The following IP6K2 variants were observed in gnomAD, a reference collection of about 807,000 sequenced individuals.
IP6K2 encodes the protein ATP:1D-myo-inositol-hexakisphosphate phosphotransferase.
A neutral mutation model predicts 43.3 loss-of-function variants in IP6K2; 9 were observed. That is an observed-to-expected ratio of 0.21 (90% confidence interval 0.13 to 0.36). The LOEUF (loss-of-function observed/expected upper bound fraction) is 0.36, where lower values mean the gene tolerates loss of function less well. Ranked by LOEUF, IP6K2 falls within the 10% of genes least tolerant of loss-of-function variation. The pLI is 1.00. For synonymous variants in IP6K2, 209 were observed against 202.4 expected, an observed-to-expected ratio of 1.03 and a Z score of -0.28; for missense variants, 332 against 538.4, an observed-to-expected ratio of 0.62 and a Z score of 3.79.
rs2106771380 is a variant in IP6K2 at position 48,688,724 on chromosome 3, C to A, written c.830G>T (p.Gly277Val). Residue 277 changes from glycine to valine, a missense_variant, in exon 6 of 6, where the codon GGA becomes GTA. Transcript: ENST00000328631. The surrounding 1 kb of genome is among the most constrained non-coding windows in gnomAD (Gnocchi z 5.1). ...GQLMFMNKYH[G>V]RKLSVQGFKE... ...GAAGCCCTGCACCGATAGCTTCCGT[C>A]CATGGTACTTGTTCATGAACATGAG... is the stretch of plus-strand genomic sequence containing the variant. 6.2e-7 allele frequency: 1 copy of A among 1,614,054 alleles called. No homozygotes were observed. Among genetic ancestry groups the A allele is most frequent in the Non-Finnish European group, 8.5e-7 (1 of 1,179,950 alleles).
rs533664278 is a variant in IP6K2, at chr3:48,694,895, A to C, written c.202+195T>G. ...TCCACACAACAAAACAGAATTGAGCAATCTTACCAGGGATTGAAAACTGAG... is the reference window on the plus strand; with the variant it reads ...TCCACACAACAAAACAGAATTGAGCCATCTTACCAGGGATTGAAAACTGAG... On this transcript the variant is annotated intron_variant, in intron 2 of 5. Coordinates refer to ENST00000328631, the MANE Select transcript of IP6K2 (RefSeq NM_016291.4). The C allele has an allele frequency of 3.9e-6, 6 of 1,540,914 alleles. No individual in the cohort carries two copies. In the East Asian group the frequency reaches 9.8e-5, roughly 25 times the overall value.
chr3:48,694,653 C>T, intron 2 of IP6K2: 1 of 1,508,146 alleles, frequency 6.6e-7, no homozygotes, highest in African/African-American at 1.4e-5. Flanking sequence ...AGGCCTCCCA[C>T]TCCTGCATTC....
At chr3:48,712,231 AC>A (rs2080617193) in intron 1 of IP6K2, among the ~76,000 whole-genome samples, 1 of 150,790 alleles carries the variant, frequency 6.6e-6, no homozygotes, top group Non-Finnish European at 1.5e-5. Flanking sequence ...CCCTGTCTCT[AC>A]AAAAAAAAAA....
chr3:48,696,797 G>A (rs542999320), intron 1 of IP6K2, among the ~76,000 whole-genome samples: 3 of 152,304 alleles, frequency 2.0e-5, no homozygotes, highest in East Asian at 1.9e-4. Context: ...TGTGGGGAAA[G>A]CACCTATTAT....
Position 48,695,114 on chromosome 3 carries a change from G to A in IP6K2, c.178C>T (p.Arg60Cys), listed in dbSNP as rs776740658. Reference protein sequence around the residue: ...QFYETLPAEMRKFTPQYKGVV... With the variant: ...QFYETLPAEMCKFTPQYKGVV... ...CCTTTGTACTGGGGAGTGAATTTGC[G>A]CATCTCAGCAGGGAGGGTCTCGTAG... Residue 60 changes from arginine (R) to cysteine (C), a missense_variant, in exon 2 of 6, where the codon CGC (arginine) becomes TGC (cysteine). Transcript: ENST00000328631. This position sits in a 1 kb window ranked among gnomAD's most constrained non-coding sequence, Gnocchi z 4.6. 15 of 1,612,808 alleles carry A rather than the reference G, an allele frequency of 9.3e-6. No homozygotes were observed. Among genetic ancestry groups the A allele is most frequent in the South Asian group, 1.1e-5 (1 of 91,062 alleles).
intron 3 of IP6K2, 82 bp downstream of exon 3, chr3:48,692,872 G>A: frequency 1.0e-6 from 1 of 974,386 alleles, no homozygotes; most frequent in Non-Finnish European, 1.6e-6. Context: ...TCAGTCCTTA[G>A]CTCCAGGGAA....
At chr3:48,706,381 C>A (rs1019780197) in intron 1 of IP6K2, among the ~76,000 whole-genome samples, 2 of 152,134 alleles carry the variant, frequency 1.3e-5, no homozygotes, top group African/African-American at 2.4e-5. Context: ...GCCCAGGAGT[C>A]TGAGGCTGCA....
At chr3:48,709,910 C>G (rs2080287780) in intron 1 of IP6K2, among the ~76,000 whole-genome samples, 1 of 151,928 alleles carries the variant, frequency 6.6e-6, no homozygotes, top group Non-Finnish European at 1.5e-5. Flanking sequence ...AAAGAGACAC[C>G]TGCCAATTAT....
chr3:48,695,319 G>T lies in IP6K2; in HGVS notation c.-28C>A. On this transcript the variant is annotated 5_prime_UTR_variant, in exon 2 of 6. Coordinates refer to ENST00000328631, the MANE Select transcript of IP6K2 (RefSeq NM_016291.4). This position sits in a 1 kb window ranked among gnomAD's most constrained non-coding sequence, Gnocchi z 4.6. ...TCCGGGCGCAGATGGCGGGGAGATG[G>T]GGGAGGCAGCGGAGTCCAGCGGCCA... 1 of 1,596,500 alleles carries T rather than the reference G, an allele frequency of 6.3e-7. No homozygotes were observed. The highest frequency in any genetic ancestry group is 1.1e-5 in the South Asian group (1 of 89,944).
chr3:48,705,963 T>TG (rs1486614185), intron 1 of IP6K2, among the ~76,000 whole-genome samples: 2 of 151,186 alleles, frequency 1.3e-5, no homozygotes, highest in Non-Finnish European at 2.9e-5. Flanking sequence ...CCCAGCACTT[T>TG]GGGAGGCCAA....
Position 48,709,694 on chromosome 3 carries a change from G to A in IP6K2, c.-131+7463C>T, listed in dbSNP as rs149982973. ...TCTACTAAAAATAAAAAAATTAGCC[G>A]GGCGTGGTGGCAGGTGCCTGTAGTC... On this transcript the variant is annotated intron_variant, in intron 1 of 5. Coordinates refer to ENST00000328631, the MANE Select transcript of IP6K2 (RefSeq NM_016291.4). Among the ~76,000 whole-genome samples, 526 of 152,124 alleles carry A rather than the reference G, an allele frequency of 3.5e-3. 4 individuals carry two copies. The highest frequency in any genetic ancestry group is 0.012 in the African/African-American group (497 of 41,526).
At chr3:48,706,305 C>G in intron 1 of IP6K2, among the ~76,000 whole-genome samples, 1 of 151,840 alleles carries the variant, frequency 6.6e-6, no homozygotes, top group Non-Finnish European at 1.5e-5. Flanking sequence ...AAAAAATTAG[C>G]AAGTTGTGGT....
chr3:48,688,658 A>G lies in IP6K2; in HGVS notation c.896T>C (p.Leu299Pro), dbSNP rs1463629663. 6.2e-7 allele frequency: 1 copy of G among 1,614,232 alleles called. No individual in the cohort carries two copies. The highest frequency in any genetic ancestry group is 8.5e-7 in the Non-Finnish European group (1 of 1,180,030). The change falls in exon 6 of 6, where the codon CTG becomes CCG. Residue 299 changes from leucine (L) to proline (P), a missense_variant. Transcript: ENST00000328631. The surrounding 1 kb of genome is among the most constrained non-coding windows in gnomAD (Gnocchi z 5.1). ...LFQFFHNGRYLRRELLGPVLK... is the reference protein window; with the variant it reads ...LFQFFHNGRYPRRELLGPVLK... ...CACAGGGCCCAGGAGTTCACGGCGC[A>G]GGTACCGCCCATTGTGGAAGAACTG...
intron 1 of IP6K2, chr3:48,715,270 C>T: frequency 6.5e-7 from 1 of 1,535,304 alleles, no homozygotes; most frequent in Non-Finnish European, 8.7e-7. Context: ...GAAAATTCTT[C>T]CCCAGTGCAT....
At chr3:48,693,898 A>G (rs1470973878) in intron 2 of IP6K2, 2 of 1,246,492 alleles carry the variant, frequency 1.6e-6, no homozygotes, top group Non-Finnish European at 2.0e-6. Context: ...TTTCCCCTTA[A>G]GTCTCTAGAA....
intron 1 of IP6K2, among the ~76,000 whole-genome samples, chr3:48,711,214 C>T (rs1239267956): frequency 1.3e-5 from 2 of 152,144 alleles, no homozygotes; most frequent in Non-Finnish European, 2.9e-5. Flanking sequence ...CCAGGCCACA[C>T]ATCTATTAGT....
intron 1 of IP6K2, chr3:48,715,612 G>A: frequency 4.3e-6 from 3 of 693,314 alleles, no homozygotes; most frequent in Non-Finnish European, 7.1e-6. Flanking sequence ...TCCCTACCCA[G>A]GCCCTGCATA....
chr3:48,708,291 T>C (rs866061187), intron 1 of IP6K2: 1 of 152,012 alleles, frequency 6.6e-6, no homozygotes, highest in African/African-American at 2.4e-5. Flanking sequence ...AAAAGAAATA[T>C]GTTTATCAGA....
intron 2 of IP6K2, chr3:48,694,743 G>T: frequency 6.6e-7 from 1 of 1,512,688 alleles, no homozygotes; most frequent in Non-Finnish European, 8.8e-7. Context: ...CAGGCGGCAA[G>T]TATTCTGGGT....
Sources: allele counts gnomAD v4.1 joint callset (sites outside exome capture counted in the v4.1 genomes callset), GRCh38; gene constraint gnomAD v4.1.1; non-coding constraint Gnocchi (gnomAD v3.1); transcripts MANE v1.5; gene names NCBI Gene and HGNC (gene_info 2026-07-23, HGNC 2026-07-21).